Variants in STPG4 observed in about 807,000 individuals in gnomAD.
The protein encoded by STPG4 is protein STPG4.
Under a neutral mutation model 31.5 loss-of-function variants are expected in STPG4, and 41 were observed. That is an observed-to-expected ratio of 1.30 (90% CI 1.01 to 1.69). STPG4 has a LOEUF of 1.69. Ranked by LOEUF, STPG4 falls within the 40% of genes most tolerant of loss-of-function variation. STPG4 has a pLI of 0.00. For synonymous variants in STPG4, 141 were observed against 103.0 expected, an observed-to-expected ratio of 1.37 and a Z score of -2.24; for missense variants, 375 against 293.4, an observed-to-expected ratio of 1.28 and a Z score of -2.03.
intron 5 of STPG4, among the ~76,000 whole-genome samples, chr2:47,113,860 C>T (rs927394762): frequency 6.6e-6 from 1 of 151,942 alleles, no homozygotes; most frequent in African/African-American, 2.4e-5. Flanking sequence ...TGGTGAAACC[C>T]CGTCTCTACT....
Position 47,151,420 on chromosome 2 carries a change from T to C in STPG4, c.237A>G (p.Gly79=), listed in dbSNP as rs370897163. The change falls in exon 3 of 7, where the codon GGA becomes GGG. Residue 79 remains glycine, a synonymous_variant. Coordinates refer to ENST00000445927, the MANE Select transcript of STPG4 (RefSeq NM_001163561.2). ...VIATYNFKNE[G]RKKPPLVQRN... is the part of the protein sequence containing the mutation. ...TTTGCACAAGAGGTGGCTTTTTCCT[T>C]CCTTCGTTTTTAAAATTGTAGGTTG... is the stretch of plus-strand genomic sequence containing the variant. 1.4e-5 allele frequency: 22 copies of C among 1,614,110 alleles called. No homozygotes were observed. Among genetic ancestry groups the C allele is most frequent in the Non-Finnish European group, 1.9e-5 (22 of 1,180,044 alleles).
In STPG4 at chr2:47,107,261, C is replaced by T. The variant is rs562881880; in HGVS notation, c.520-16887G>A. Among the ~76,000 whole-genome samples the T allele has an allele frequency of 2.0e-5, 3 of 152,198 alleles. No homozygotes were observed. The East Asian group carries it at 5.8e-4, about 29-fold the overall frequency. ...CCAAGGCCAGAGCCGGCTCCCTCAG[C>T]TTGCAGGGAGGTGTGGAGGGAGACG... On this transcript the variant is annotated intron_variant, in intron 5 of 6. Coordinates refer to ENST00000445927, the MANE Select transcript of STPG4 (RefSeq NM_001163561.2).
At chr2:47,145,650 C>T (rs965514050) in intron 3 of STPG4, among the ~76,000 whole-genome samples, 8 of 152,116 alleles carry the variant, frequency 5.3e-5, no homozygotes, top group Admixed American at 3.3e-4. Context: ...ATGAGTAAGG[C>T]CCAGTCAGAT....
intron 6 of STPG4, 135 bp from the exon 7 acceptor site, chr2:47,087,265 T>A (rs1336379342): frequency 6.9e-6 from 7 of 1,008,316 alleles, no homozygotes; most frequent in African/African-American, 4.9e-5. Flanking sequence ...CAGCCTGGGC[T>A]GAAGCCTGGC....
Position 47,151,442 on chromosome 2 carries a change from G to A in STPG4, c.215C>T (p.Thr72Ile). The change falls in exon 3 of 7, where the codon ACC (threonine) becomes ATC (isoleucine). Residue 72 changes from threonine (T) to isoleucine (I), a missense_variant. By Grantham distance (89) the Thr-to-Ile change is moderately conservative (BLOSUM62 -1). Transcript: ENST00000445927. ...CCTTCCTTCGTTTTTAAAATTGTAG[G>A]TTGCTATCACTGGATTTAATAGGGA... ...EESLLNPVIA[T>I]YNFKNEGRKK... is the part of the protein sequence containing the mutation. The A allele has an allele frequency of 6.2e-7, 1 of 1,614,052 alleles. No homozygotes were observed.
chr2:47,142,494 GA>G (rs1376381117), intron 3 of STPG4, among the ~76,000 whole-genome samples: 2 of 152,050 alleles, frequency 1.3e-5, no homozygotes, highest in Non-Finnish European at 2.9e-5. Context: ...AAGAAAACAA[GA>G]GAACAAAAAT....
intron 2 of STPG4, among the ~76,000 whole-genome samples, chr2:47,152,149 C>G (rs1686951598): frequency 6.6e-6 from 1 of 152,188 alleles, no homozygotes; most frequent in South Asian, 2.1e-4. Flanking sequence ...AGTGAGACCA[C>G]TCAGGATAGT....
In STPG4 at chr2:47,114,275, TG is replaced by T. The variant is rs765627905; in HGVS notation, c.519+15665del. ...ATCCCAGCACTTTGGAAGTCTGAGG[TG>T]GGCAGATCGCTTGAGGCCCGGAGTT... On this transcript the variant is annotated intron_variant, in intron 5 of 6. Coordinates refer to ENST00000445927, the MANE Select transcript of STPG4 (RefSeq NM_001163561.2). 3.4e-4 allele frequency among the ~76,000 whole-genome samples: 51 copies of T among 151,904 alleles called. 1 individual carries two copies. In the Middle Eastern group the frequency reaches 0.014, roughly 41 times the overall value.
chr2:47,118,232 C>T (rs1686191267), intron 5 of STPG4, among the ~76,000 whole-genome samples: 1 of 152,162 alleles, frequency 6.6e-6, no homozygotes, highest in Admixed American at 6.5e-5. Flanking sequence ...TGAGCTCCAG[C>T]TCCTATCAGA....
At chr2:47,145,415 A>T (rs1360908360) in intron 3 of STPG4, among the ~76,000 whole-genome samples, 1 of 152,232 alleles carries the variant, frequency 6.6e-6, no homozygotes, top group Non-Finnish European at 1.5e-5. Flanking sequence ...GAGAGATTAT[A>T]ACCATGGGCT....
chr2:47,139,139 T>C (rs560782361), intron 3 of STPG4, among the ~76,000 whole-genome samples: 12 of 152,378 alleles, frequency 7.9e-5, no homozygotes, highest in African/African-American at 2.9e-4. Flanking sequence ...AGTTCAACTA[T>C]GTACTGACTG....
intron 5 of STPG4, among the ~76,000 whole-genome samples, chr2:47,116,767 G>A (rs956756542): frequency 6.6e-6 from 1 of 152,166 alleles, no homozygotes; most frequent in African/African-American, 2.4e-5. Flanking sequence ...CATTTTGGGA[G>A]CTTATGCATT....
intron 5 of STPG4, among the ~76,000 whole-genome samples, chr2:47,126,448 C>T (rs745638981): frequency 5.9e-5 from 9 of 152,222 alleles, no homozygotes; most frequent in African/African-American, 2.2e-4. Context: ...ACCTTAGCCT[C>T]GCTGAGTAAC....
At chr2:47,104,591 T>C (rs6731261) in intron 5 of STPG4, among the ~76,000 whole-genome samples, 64,804 of 151,752 alleles carry the variant, frequency 0.43, 14,756 homozygotes, top group African/African-American at 0.55. Context: ...GCAGACCACA[T>C]GTCCCAACTT....
chr2:47,155,230 T>G lies in STPG4; in HGVS notation c.22A>C (p.Thr8Pro). The change falls in exon 1 of 7, where the codon ACC becomes CCC. Residue 8 changes from threonine (T) to proline (P), a missense_variant. Transcript: ENST00000445927. ...TCTTCCCTTATTGAGGTGGAAGCGG[T>G]GGCGACGGCTGGCTGGTCCATGGTG... MDQPAVA[T>P]ASTSIREDLV... The G allele has an allele frequency of 1.2e-6, 2 of 1,614,144 alleles. No homozygotes were observed. The highest frequency in any genetic ancestry group is 1.7e-6 in the Non-Finnish European group (2 of 1,180,008).
chr2:47,095,232 T>G (rs1429344997), intron 5 of STPG4, among the ~76,000 whole-genome samples: 1 of 152,076 alleles, frequency 6.6e-6, no homozygotes, highest in Non-Finnish European at 1.5e-5. Flanking sequence ...GGAAATAGGG[T>G]TGTTGCAGAT....
At chr2:47,113,333 A>G (rs996007930) in intron 5 of STPG4, among the ~76,000 whole-genome samples, 2 of 152,236 alleles carry the variant, frequency 1.3e-5, no homozygotes, top group African/African-American at 2.4e-5. Context: ...AAGTGCTAAT[A>G]TCTCTTAACT....
chr2:47,104,959 G>A (rs911141910), intron 5 of STPG4, among the ~76,000 whole-genome samples: 5 of 151,878 alleles, frequency 3.3e-5, no homozygotes, highest in Non-Finnish European at 2.9e-5. Flanking sequence ...GGGGTTCCTT[G>A]GAATTACCAG....
At chr2:47,127,119 C>T (rs752838368) in intron 5 of STPG4, among the ~76,000 whole-genome samples, 7 of 152,032 alleles carry the variant, frequency 4.6e-5, no homozygotes, top group Non-Finnish European at 8.8e-5. Context: ...ATCTCTCTCT[C>T]TATCTCTTTA....
Sources: gnomAD v4.1 joint callset for allele counts (sites outside exome capture counted in the v4.1 genomes callset) on GRCh38, gnomAD v4.1.1 for gene constraint, MANE v1.5 for transcripts, NCBI Gene and HGNC (gene_info 2026-07-23, HGNC 2026-07-21) for gene names.